Variants in GRM4 observed in about 807,000 individuals in gnomAD.
GRM4 encodes the protein metabotropic glutamate receptor 4.
In GRM4, 28 loss-of-function variants were observed where a neutral mutation model predicts 81.7. The observed-to-expected ratio is 0.34, with a 90% CI of 0.25 to 0.47. GRM4 has a LOEUF of 0.47. GRM4 is among the 20% of genes least tolerant of loss of function. The pLI is 1.00. For missense variants in GRM4, 948 were observed against 1,290.0 expected (o/e 0.73, Z 4.06); for synonymous variants, 488 against 528.8 (o/e 0.92, Z 1.06).
At chr6:34,043,536 G>A (rs1765115437) in intron 6 of GRM4, among the ~76,000 whole-genome samples, 1 of 152,150 alleles carries the variant, frequency 6.6e-6, no homozygotes, top group Non-Finnish European at 1.5e-5. Flanking sequence ...TATTAACCAG[G>A]GATGGAGTGG....
Position 34,092,043 on chromosome 6 carries a change from G to A in GRM4, c.576C>T (p.Tyr192=), listed in dbSNP as rs368672368. Residue 192 remains tyrosine (Y), a synonymous_variant, in exon 3 of 11, where the codon TAC becomes TAT. Transcript: ENST00000538487. This position sits in a 1 kb window ranked among gnomAD's most constrained non-coding sequence, Gnocchi z 6.8. ...TAPDLSDNSR[Y]DFFSRVVPSD... is the part of the protein sequence containing the mutation. ...AGGGCACCACGCGGGAGAAGAAGTC[G>A]TAGCGGCTGTTGTCACTCAGGTCTG... The A allele has an allele frequency of 2.9e-5, 46 of 1,613,934 alleles. No individual in the cohort carries two copies. The Middle Eastern group carries it at 8.3e-4, about 29-fold the overall frequency.
In GRM4 at chr6:34,133,508, C is replaced by G. The variant is rs1305678348; in HGVS notation, c.-12G>C. The G allele has an allele frequency of 6.5e-7, 1 of 1,543,430 alleles. No homozygotes were observed. The highest frequency in any genetic ancestry group is 1.4e-5 in the African/African-American group (1 of 73,016). On this transcript the variant is annotated 5_prime_UTR_variant, in exon 2 of 11. It removes the in-frame stop codon of an upstream open reading frame in the 5' UTR. Coordinates refer to ENST00000538487, the MANE Select transcript of GRM4 (RefSeq NM_000841.4). The surrounding 1 kb of genome is among the most constrained non-coding windows in gnomAD (Gnocchi z 6.5). Reference sequence around the variant, plus strand: ...CTCTTCCCAGGCATCTCGGAAATCCCTAGAGACCCATGAACGGCAGGCCCA... The same window carrying G: ...CTCTTCCCAGGCATCTCGGAAATCCGTAGAGACCCATGAACGGCAGGCCCA...
chr6:34,092,265 C>A lies in GRM4; in HGVS notation c.520-166G>T, dbSNP rs770743085. ...CTCCTCCTCCAGAAAGTCTCCCAACCGGCCTCCCTGGGGTCCCCAAAGACA... is the reference window on the plus strand; with the variant it reads ...CTCCTCCTCCAGAAAGTCTCCCAACAGGCCTCCCTGGGGTCCCCAAAGACA... On this transcript the variant is annotated intron_variant, in intron 2 of 10. Transcript: ENST00000538487. This position sits in a 1 kb window ranked among gnomAD's most constrained non-coding sequence, Gnocchi z 6.8. Among the ~76,000 whole-genome samples, 1 of 152,104 alleles carries A rather than the reference C, an allele frequency of 6.6e-6. No individual in the cohort carries two copies. The highest frequency in any genetic ancestry group is 1.5e-5 in the Non-Finnish European group (1 of 68,014).
intron 6 of GRM4, chr6:34,056,343 C>A (rs1193687592): frequency 3.4e-6 from 2 of 588,092 alleles, no homozygotes; most frequent in African/African-American, 3.7e-5. Context: ...CTCAAGGCCA[C>A]ACCCCAAATC....
chr6:34,107,422 C>T (rs1050189303), intron 2 of GRM4, among the ~76,000 whole-genome samples: 6 of 152,136 alleles, frequency 3.9e-5, no homozygotes, highest in Non-Finnish European at 7.4e-5. Context: ...CAGACAAAGC[C>T]GTATGCTCGT....
At chr6:34,119,638 C>T (rs952674420) in intron 2 of GRM4, among the ~76,000 whole-genome samples, 3 of 152,218 alleles carry the variant, frequency 2.0e-5, no homozygotes, top group South Asian at 2.1e-4. Flanking sequence ...CCTGCAGAGA[C>T]GTGCAAAGTG....
intron 3 of GRM4, among the ~76,000 whole-genome samples, chr6:34,086,616 A>G (rs2451357): frequency 0.88 from 133,806 of 152,222 alleles, 58,918 homozygotes; most frequent in African/African-American, 0.92. Flanking sequence ...ACAAACTCTC[A>G]GGTGACCCCG....
At chr6:34,109,950 C>T (rs1769296874) in intron 2 of GRM4, among the ~76,000 whole-genome samples, 2 of 152,090 alleles carry the variant, frequency 1.3e-5, no homozygotes. Flanking sequence ...CAGCAGCCTG[C>T]TGCCCTTCCC....
chr6:34,099,098 C>T (rs1007423492), intron 2 of GRM4, among the ~76,000 whole-genome samples: 4 of 152,186 alleles, frequency 2.6e-5, no homozygotes, highest in African/African-American at 9.7e-5. Flanking sequence ...GCTGGGAGAA[C>T]AAAGATTTCC....
chr6:34,153,080 T>C lies in GRM4; in HGVS notation c.312+1999A>G, dbSNP rs375122534. On this transcript the variant is annotated intron_variant, in intron 1 of 8. Transcript: ENST00000374177. ...AGGGTCCAGGTGTGAGCCCCTGCGGTGCGACCCTGGAGACCTCCTCACCTG... is the reference window on the plus strand; with the variant it reads ...AGGGTCCAGGTGTGAGCCCCTGCGGCGCGACCCTGGAGACCTCCTCACCTG... Among the ~76,000 whole-genome samples, 9 of 152,220 alleles carry C rather than the reference T, an allele frequency of 5.9e-5. 1 individual carries two copies. In the East Asian group the frequency reaches 9.7e-4, roughly 16 times the overall value.
intron 2 of GRM4, chr6:34,110,883 TC>T (rs1561819301): frequency 3.9e-6 from 5 of 1,296,332 alleles, no homozygotes; most frequent in Non-Finnish European, 3.9e-6. Context: ...AGCAGGAAGT[TC>T]CCCCCAGGGC....
intron 10 of GRM4, chr6:34,024,545 C>T: frequency 2.5e-6 from 1 of 399,682 alleles, no homozygotes; most frequent in South Asian, 1.8e-5. Context: ...AGTTTGGTGT[C>T]CAACTATCAG....
In GRM4 at chr6:34,136,623, A is replaced by G. The variant is rs1770470660; in HGVS notation, c.-363-2764T>C. 6.7e-6 allele frequency among the ~76,000 whole-genome samples: 1 copy of G among 148,600 alleles called. No individual in the cohort carries two copies. The highest frequency in any genetic ancestry group is 2.5e-5 in the African/African-American group (1 of 40,184). On this transcript the variant is annotated intron_variant, in intron 1 of 10. Transcript: ENST00000538487. This position sits in a 1 kb window ranked among gnomAD's most constrained non-coding sequence, Gnocchi z 4.1. ...ACACACACGGGGAAGGACAGATGCCATGGGGGAAGGAGGCCTCCAAGAGGA... is the reference window on the plus strand; with the variant it reads ...ACACACACGGGGAAGGACAGATGCCGTGGGGGAAGGAGGCCTCCAAGAGGA...
At position 34,102,082 on chromosome 6, in the gene GRM4, G is replaced by A. The variant is rs958515386; in HGVS notation, c.520-9983C>T. 34 of 1,535,268 alleles carry A rather than the reference G, an allele frequency of 2.2e-5. No homozygotes were observed. The Admixed American group carries it at 3.3e-4, about 15-fold the overall frequency. The stretch of plus-strand genomic sequence containing the variant: ...TAAGGGTCCTCTTTTTTCTCTTGGC[G>A]CCATCATGGGGAAATAGCTTGGGAA... On this transcript the variant is annotated intron_variant, in intron 2 of 10. Coordinates refer to ENST00000538487, the MANE Select transcript of GRM4 (RefSeq NM_000841.4).
At position 34,034,869 on chromosome 6, in the gene GRM4, CCCCGAG is replaced by C. The variant is rs1418309907; in HGVS notation, c.2442+793_2442+798del. On this transcript the variant is annotated intron_variant, in intron 9 of 10. Coordinates refer to ENST00000538487, the MANE Select transcript of GRM4 (RefSeq NM_000841.4). This position sits in a 1 kb window ranked among gnomAD's most constrained non-coding sequence, Gnocchi z 4.0. ...GACTCCCAGTACTTCCAGATAACAC[CCCCGAG>C]TCACCCAGCCAGCACCAGGACTGGG... is the stretch of plus-strand genomic sequence containing the variant. Among the ~76,000 whole-genome samples the C allele has an allele frequency of 2.7e-4, 41 of 152,342 alleles. 1 individual carries two copies. Among genetic ancestry groups the C allele is most frequent in the African/African-American group, 9.9e-4 (41 of 41,580 alleles).
At chr6:34,057,597 C>T (rs1765972796) in intron 5 of GRM4, among the ~76,000 whole-genome samples, 1 of 152,254 alleles carries the variant, frequency 6.6e-6, no homozygotes. Context: ...CAGCATCCCC[C>T]AACTGTGACA....
chr6:34,134,945 C>T (rs1027959410), intron 1 of GRM4, among the ~76,000 whole-genome samples: 3 of 152,244 alleles, frequency 2.0e-5, no homozygotes, highest in African/African-American at 7.2e-5. Context: ...TCAAAGCCAG[C>T]AACCTCCCTC....
chr6:34,088,169 T>A (rs1309026185), intron 3 of GRM4, among the ~76,000 whole-genome samples: 2 of 152,034 alleles, frequency 1.3e-5, no homozygotes, highest in East Asian at 1.9e-4. Flanking sequence ...GTCACCCAGG[T>A]TGGAGTGCAA....
intron 2 of GRM4, among the ~76,000 whole-genome samples, chr6:34,124,353 C>T (rs893302401): frequency 6.6e-6 from 1 of 152,216 alleles, no homozygotes; most frequent in African/African-American, 2.4e-5. Flanking sequence ...CAAGGCCCCC[C>T]CACCAACCCT....
Sources: allele counts gnomAD v4.1 joint callset (sites outside exome capture counted in the v4.1 genomes callset), GRCh38; gene constraint gnomAD v4.1.1; non-coding constraint Gnocchi (gnomAD v3.1); transcripts MANE v1.5; gene names NCBI Gene and HGNC (gene_info 2026-07-23, HGNC 2026-07-21).